EXOC6B: variants seen among roughly 807,000 people sequenced by gnomAD.
EXOC6B encodes the protein SEC15 homolog B.
A neutral mutation model predicts 113.5 loss-of-function variants in EXOC6B; 54 were observed. That is an observed-to-expected ratio of 0.48 (90% CI 0.38 to 0.60). EXOC6B has a LOEUF of 0.60. Among genes scored for constraint, EXOC6B ranks in the 20% least tolerant of loss-of-function variants. The probability of loss-of-function intolerance (pLI) is 0.00; values close to 1 mark genes in which losing one functional copy is unlikely to be tolerated. For synonymous variants in EXOC6B, 357 were observed against 339.0 expected (o/e 1.05, Z -0.58); for missense variants, 797 against 977.5 (o/e 0.82, Z 2.46).
intron 18 of EXOC6B, among the ~76,000 whole-genome samples, chr2:72,380,722 G>A (rs1168363942): frequency 1.3e-5 from 2 of 152,060 alleles, no homozygotes; most frequent in African/African-American, 4.8e-5. Context: ...GATGCATTTT[G>A]TTTTCTTAGA....
intron 8 of EXOC6B, among the ~76,000 whole-genome samples, chr2:72,520,912 T>C (rs907094028): frequency 6.6e-6 from 1 of 152,094 alleles, no homozygotes; most frequent in African/African-American, 2.4e-5. Context: ...CCACCAGCAG[T>C]ACCCCAATTC....
At chr2:72,618,314 A>G (rs1316200950) in intron 6 of EXOC6B, among the ~76,000 whole-genome samples, 1 of 152,194 alleles carries the variant, frequency 6.6e-6, no homozygotes, top group African/African-American at 2.4e-5. Context: ...GGTTGCAGTA[A>G]GCCGAAATCG....
intron 20 of EXOC6B, among the ~76,000 whole-genome samples, chr2:72,246,589 G>A (rs1038191902): frequency 1.0e-4 from 15 of 148,824 alleles, no homozygotes; most frequent in African/African-American, 3.5e-4. Flanking sequence ...CTCACTGCAA[G>A]CTCCGCCTCC....
intron 20 of EXOC6B, among the ~76,000 whole-genome samples, chr2:72,294,552 CT>C (rs897862885): frequency 6.6e-4 from 101 of 151,984 alleles, no homozygotes; most frequent in Admixed American, 6.6e-3. Flanking sequence ...ATATTAAAGT[CT>C]TTGCTTTTTT....
intron 1 of EXOC6B, among the ~76,000 whole-genome samples, chr2:72,774,243 A>G (rs1683565756): frequency 2.0e-5 from 3 of 152,230 alleles, no homozygotes; most frequent in Non-Finnish European, 4.4e-5. Context: ...CTCAGTGAAA[A>G]TATGAACTGG....
At chr2:72,395,084 A>G (rs1046696699) in intron 18 of EXOC6B, among the ~76,000 whole-genome samples, 2 of 152,182 alleles carry the variant, frequency 1.3e-5, no homozygotes, top group African/African-American at 4.8e-5. Context: ...AGGAAAAATA[A>G]AAAAGAAACT....
chr2:72,723,530 T>C (rs1157508933), intron 5 of EXOC6B, among the ~76,000 whole-genome samples: 3 of 152,094 alleles, frequency 2.0e-5, no homozygotes, highest in Non-Finnish European at 4.4e-5. Context: ...TGAAAGCAAA[T>C]TGCAACTATC....
chr2:72,525,513 G>A (rs1281857250), intron 8 of EXOC6B, among the ~76,000 whole-genome samples: 1 of 152,048 alleles, frequency 6.6e-6, no homozygotes, highest in African/African-American at 2.4e-5. Context: ...AACAAAGGCA[G>A]ACTTCCTCAA....
chr2:72,760,092 A>G (rs554592276), intron 1 of EXOC6B, among the ~76,000 whole-genome samples: 3 of 152,230 alleles, frequency 2.0e-5, no homozygotes, highest in Non-Finnish European at 4.4e-5. Flanking sequence ...GCTGTATTAA[A>G]TCATTGTTAT....
intron 6 of EXOC6B, among the ~76,000 whole-genome samples, chr2:72,588,610 T>C (rs1198037987): frequency 6.6e-6 from 1 of 151,998 alleles, no homozygotes; most frequent in Non-Finnish European, 1.5e-5. Flanking sequence ...CTGTACAACA[T>C]TGTGAATATA....
chr2:72,494,835 T>C (rs1447496801), intron 15 of EXOC6B, among the ~76,000 whole-genome samples: 1 of 152,114 alleles, frequency 6.6e-6, no homozygotes. Flanking sequence ...TGACAAATAA[T>C]ACATTAGCCA....
chr2:72,435,719 T>A (rs1278325648), intron 18 of EXOC6B, among the ~76,000 whole-genome samples: 1 of 144,954 alleles, frequency 6.9e-6, no homozygotes, highest in South Asian at 2.1e-4. Flanking sequence ...CCCTGCTTTT[T>A]TTTTGTTTTT....
At chr2:72,182,913 GGAAGGTCA>G in intron 21 of EXOC6B, 1 of 1,230,934 alleles carries the variant, frequency 8.1e-7, no homozygotes, top group Non-Finnish European at 1.0e-6. Context: ...ATCCTAGGGC[GGAAGGTCA>G]GTGGGAGAGA....
intron 6 of EXOC6B, among the ~76,000 whole-genome samples, chr2:72,653,177 C>T (rs1329957949): frequency 7.9e-5 from 12 of 151,140 alleles, no homozygotes; most frequent in Admixed American, 7.9e-4. Flanking sequence ...CAATGATAGA[C>T]TGGATTAAGA....
In EXOC6B at chr2:72,178,562, A is replaced by G. The variant is rs1677879125; in HGVS notation, c.*773T>C. On this transcript the variant is annotated 3_prime_UTR_variant, in exon 22 of 22. Transcript: ENST00000272427. Reference sequence around the variant, plus strand: ...GGGAAGGGATTGGGTCTCTGATTCCATGAAAACTGGCTTTCAAGATCCAGA... The same window carrying G: ...GGGAAGGGATTGGGTCTCTGATTCCGTGAAAACTGGCTTTCAAGATCCAGA... 1 of 152,242 alleles carries G rather than the reference A, an allele frequency of 6.6e-6. No homozygotes were observed. Among genetic ancestry groups the G allele is most frequent in the African/African-American group, 2.4e-5 (1 of 41,452 alleles). 9.4% of individuals were successfully genotyped at this position (152,242 alleles called of 1,614,324 possible). A position where few individuals can be genotyped will look rare whatever the true frequency, so the allele number is the denominator to read the frequency against.
intron 20 of EXOC6B, among the ~76,000 whole-genome samples, chr2:72,325,655 G>A (rs956111654): frequency 6.6e-6 from 1 of 151,746 alleles, no homozygotes; most frequent in Non-Finnish European, 1.5e-5. Context: ...ACAAACTCTC[G>A]AGGGAAGAAC....
At chr2:72,746,585 C>A (rs867370895) in intron 1 of EXOC6B, among the ~76,000 whole-genome samples, 2 of 152,106 alleles carry the variant, frequency 1.3e-5, no homozygotes, top group Middle Eastern at 3.4e-3. Flanking sequence ...CAAATATTTA[C>A]CATTCACCTG....
chr2:72,619,914 G>A (rs1449641219), intron 6 of EXOC6B, among the ~76,000 whole-genome samples: 1 of 152,212 alleles, frequency 6.6e-6, no homozygotes, highest in Non-Finnish European at 1.5e-5. Flanking sequence ...CTCTGGTGGA[G>A]AGTGGCCATA....
intron 20 of EXOC6B, among the ~76,000 whole-genome samples, chr2:72,269,754 T>C (rs1295241525): frequency 1.3e-5 from 2 of 152,180 alleles, no homozygotes; most frequent in Non-Finnish European, 2.9e-5. Context: ...AGTGTCTTCA[T>C]CTATAAAATG....
Sources: allele counts gnomAD v4.1 joint callset (sites outside exome capture counted in the v4.1 genomes callset), GRCh38; gene constraint gnomAD v4.1.1; transcripts MANE v1.5; gene names NCBI Gene and HGNC (gene_info 2026-07-23, HGNC 2026-07-21).